Variants in DLGAP2 observed in about 807,000 individuals in gnomAD.
The protein encoded by DLGAP2 is disks large-associated protein 2.
In DLGAP2, 26 loss-of-function variants were observed where a neutral mutation model predicts 100.3. The ratio of observed to expected loss-of-function variants is 0.26; its 90% CI spans 0.19 to 0.36. The LOEUF (loss-of-function observed/expected upper bound fraction) is 0.36, where lower values mean the gene tolerates loss of function less well. Among genes scored for constraint, DLGAP2 ranks in the 10% least tolerant of loss-of-function variants. The pLI, the probability that DLGAP2 is intolerant of heterozygous loss-of-function variation, is 1.00. For synonymous variants in DLGAP2, 886 were observed against 630.1 expected (o/e 1.41, Z -6.08); for missense variants, 1,858 against 1,453.2 (o/e 1.28, Z -4.53).
chr8:1,090,469 G>T lies in DLGAP2; in HGVS notation c.74-168382G>T, dbSNP rs545776057. Among the ~76,000 whole-genome samples the T allele has an allele frequency of 2.6e-5, 4 of 152,368 alleles. No homozygotes were observed. In the South Asian group the frequency reaches 8.3e-4, roughly 32 times the overall value. ...CTCCTTAGCTTTTGACCACGACAGG[G>T]TTCGCCTGTGCCAGCTACCAGCACA... On this transcript the variant is annotated intron_variant, in intron 2 of 14. Coordinates refer to ENST00000637795, the MANE Select transcript of DLGAP2 (RefSeq NM_001346810.2).
At chr8:1,159,046 G>C (rs1419240610) in intron 2 of DLGAP2, among the ~76,000 whole-genome samples, 1 of 152,180 alleles carries the variant, frequency 6.6e-6, no homozygotes, top group Non-Finnish European at 1.5e-5. Context: ...CTCGATGTCA[G>C]TGAGCTTTAC....
At chr8:1,575,832 G>C (rs957326396) in intron 6 of DLGAP2, among the ~76,000 whole-genome samples, 1 of 151,968 alleles carries the variant, frequency 6.6e-6, no homozygotes, top group Non-Finnish European at 1.5e-5. Flanking sequence ...TTTCCATGGT[G>C]TATATGTGCC....
At chr8:1,031,992 C>CG (rs1801987798) in intron 2 of DLGAP2, among the ~76,000 whole-genome samples, 2 of 152,184 alleles carry the variant, frequency 1.3e-5, no homozygotes. Context: ...GGGTGTTTCC[C>CG]GGGCCCTTGT....
intron 4 of DLGAP2, among the ~76,000 whole-genome samples, chr8:1,506,017 ACT>A (rs1799900684): frequency 2.0e-5 from 3 of 152,226 alleles, no homozygotes; most frequent in Admixed American, 2.0e-4. Context: ...AAATGTACAC[ACT>A]GTGTAATTTT....
At chr8:1,285,235 C>G (rs1318887642) in intron 3 of DLGAP2, among the ~76,000 whole-genome samples, 2 of 152,110 alleles carry the variant, frequency 1.3e-5, no homozygotes, top group Non-Finnish European at 1.5e-5. Context: ...AAGTAGATGA[C>G]TAAACTAGAG....
At chr8:1,515,875 C>T (rs189822366) in intron 4 of DLGAP2, among the ~76,000 whole-genome samples, 1 of 152,366 alleles carries the variant, frequency 6.6e-6, no homozygotes, top group East Asian at 1.9e-4. Flanking sequence ...TTTTCCTCCA[C>T]ATCTCACAGA....
Position 946,269 on chromosome 8 carries a change from G to GTT in DLGAP2, c.73+38318_73+38319dup, listed in dbSNP as rs767524745. Among the ~76,000 whole-genome samples, 956 of 140,124 alleles carry GTT rather than the reference G, an allele frequency of 6.8e-3. 11 individuals carry two copies. Among genetic ancestry groups the GTT allele is most frequent in the African/African-American group, 0.017 (661 of 37,912 alleles). The allele number at this position is 140,124 out of a possible 152,430, so 91.9% of individuals were successfully genotyped here. On this transcript the variant is annotated intron_variant, in intron 2 of 14. Coordinates refer to ENST00000637795, the MANE Select transcript of DLGAP2 (RefSeq NM_001346810.2). ...CTGTGAGAATAGTGCTGTTTCTTAG[G>GTT]TTTTTTTTTTTTTTTTGACAGTCTC...
At chr8:1,613,269 A>G (rs993850293) in intron 6 of DLGAP2, among the ~76,000 whole-genome samples, 1 of 146,160 alleles carries the variant, frequency 6.8e-6, no homozygotes, top group African/African-American at 2.6e-5. Flanking sequence ...GGAAATCATC[A>G]TTCTCAGTAA....
intron 2 of DLGAP2, among the ~76,000 whole-genome samples, chr8:1,233,635 A>C (rs899086914): frequency 6.6e-6 from 1 of 152,118 alleles, no homozygotes; most frequent in Non-Finnish European, 1.5e-5. Flanking sequence ...CCAATGGGCA[A>C]GACTTGCTAA....
At chr8:877,523 A>T (rs1797707324) in intron 1 of DLGAP2, among the ~76,000 whole-genome samples, 1 of 152,244 alleles carries the variant, frequency 6.6e-6, no homozygotes, top group Admixed American at 6.5e-5. Flanking sequence ...ATTGCTGCTG[A>T]TTGCAATTGT....
intron 3 of DLGAP2, among the ~76,000 whole-genome samples, chr8:1,305,582 A>G (rs568173267): frequency 6.6e-6 from 1 of 152,272 alleles, no homozygotes; most frequent in Admixed American, 6.5e-5. Context: ...CAGACCAGAG[A>G]AACTAAGGAC....
chr8:753,347 G>A (rs930233621), intron 1 of DLGAP2: 1 of 152,252 alleles, frequency 6.6e-6, no homozygotes, highest in Non-Finnish European at 1.5e-5. Flanking sequence ...AGCTCACAGG[G>A]CCCTGGTGGG....
intron 13 of DLGAP2, among the ~76,000 whole-genome samples, 196 bp from the exon 14 acceptor site, chr8:1,696,951 A>G (rs186683364): frequency 1.3e-5 from 2 of 152,368 alleles, no homozygotes; most frequent in East Asian, 3.9e-4. Context: ...ACGTGTTTTT[A>G]GGCCGACAGC....
intron 2 of DLGAP2, among the ~76,000 whole-genome samples, chr8:1,244,564 A>G (rs1798865581): frequency 6.6e-6 from 1 of 152,062 alleles, no homozygotes; most frequent in Non-Finnish European, 1.5e-5. Context: ...GATTTCTACA[A>G]ATGGTATTGG....
At chr8:900,181 TG>T (rs1798221682) in intron 1 of DLGAP2, among the ~76,000 whole-genome samples, 1 of 146,670 alleles carries the variant, frequency 6.8e-6, no homozygotes, top group Non-Finnish European at 1.5e-5. Flanking sequence ...GGGCAGACAG[TG>T]GGTGCCCTCC....
At chr8:836,752 C>A (rs1796885002) in intron 1 of DLGAP2, among the ~76,000 whole-genome samples, 1 of 152,202 alleles carries the variant, frequency 6.6e-6, no homozygotes, top group African/African-American at 2.4e-5. Flanking sequence ...GAGGGCGTTT[C>A]ATGTGAACAC....
In DLGAP2 at chr8:1,097,324, TGG is replaced by T. The variant is rs1252145564; in HGVS notation, c.74-161526_74-161525del. 1.7e-4 allele frequency among the ~76,000 whole-genome samples: 21 copies of T among 126,518 alleles called. 1 individual carries two copies. Among genetic ancestry groups the T allele is most frequent in the African/African-American group, 6.0e-4 (19 of 31,794 alleles). 83.0% of individuals were successfully genotyped at this position (126,518 alleles called of 152,430 possible). Reference sequence around the variant, plus strand: ...GGGCAGGCCTTCACCCTCTGTGGCATGGAGGGGACCCCTCCAGCGTGAGACCC... The same window carrying T: ...GGGCAGGCCTTCACCCTCTGTGGCATAGGGGACCCCTCCAGCGTGAGACCC... On this transcript the variant is annotated intron_variant, in intron 2 of 14. Transcript: ENST00000637795.
intron 2 of DLGAP2, among the ~76,000 whole-genome samples, chr8:1,098,863 A>G (rs1450812288): frequency 6.6e-6 from 1 of 151,984 alleles, no homozygotes; most frequent in African/African-American, 2.4e-5. Flanking sequence ...GGGTCCCGGT[A>G]GGGCCCTTCG....
intron 2 of DLGAP2, among the ~76,000 whole-genome samples, chr8:1,087,492 T>A (rs545276250): frequency 7.3e-5 from 11 of 151,692 alleles, no homozygotes; most frequent in African/African-American, 2.7e-4. Context: ...TGATTTGTAA[T>A]CTCAGACATT....
Sources: gnomAD v4.1 joint callset for allele counts (sites outside exome capture counted in the v4.1 genomes callset) on GRCh38, gnomAD v4.1.1 for gene constraint, MANE v1.5 for transcripts, NCBI Gene and HGNC (gene_info 2026-07-23, HGNC 2026-07-21) for gene names.